DPYS: variants seen among roughly 807,000 people sequenced by gnomAD.
DPYS encodes the protein dihydropyrimidine amidohydrolase.
Under a neutral mutation model 50.3 loss-of-function variants are expected in DPYS, and 39 were observed. The observed-to-expected ratio is 0.78, with a 90% CI of 0.60 to 1.01. The LOEUF (loss-of-function observed/expected upper bound fraction) is 1.01. Ranked by LOEUF, DPYS falls within the 50% of genes least tolerant of loss-of-function variation. DPYS has a pLI of 0.00. For missense variants in DPYS, 659 were observed against 680.9 expected (o/e 0.97, Z 0.36); for synonymous variants, 245 against 250.7 (o/e 0.98, Z 0.22).
At chr8:104,442,652 C>T (rs1028026208) in intron 4 of DPYS, among the ~76,000 whole-genome samples, 1 of 152,184 alleles carries the variant, frequency 6.6e-6, no homozygotes, top group African/African-American at 2.4e-5. Flanking sequence ...TAAGCCTACA[C>T]TTAAGGCAAG....
intron 8 of DPYS, among the ~76,000 whole-genome samples, chr8:104,388,294 C>T (rs1811275390): frequency 6.6e-6 from 1 of 152,236 alleles, no homozygotes; most frequent in South Asian, 2.1e-4. Flanking sequence ...CCATACATCA[C>T]TCCATGAAGC....
chr8:104,410,603 C>T (rs1812141648), intron 7 of DPYS, among the ~76,000 whole-genome samples: 1 of 152,042 alleles, frequency 6.6e-6, no homozygotes, highest in African/African-American at 2.4e-5. Context: ...TCTTTACAGC[C>T]ATGTACTCTA....
At chr8:104,411,167 C>T (rs1812162251) in intron 7 of DPYS, among the ~76,000 whole-genome samples, 1 of 152,210 alleles carries the variant, frequency 6.6e-6, no homozygotes, top group Non-Finnish European at 1.5e-5. Context: ...TCTCTGATGA[C>T]AGGTATTACA....
intron 1 of DPYS, among the ~76,000 whole-genome samples, chr8:104,455,742 C>A (rs1588460813): frequency 6.6e-6 from 1 of 152,070 alleles, no homozygotes; most frequent in Non-Finnish European, 1.5e-5. Flanking sequence ...TGCTTCGGAA[C>A]ATACCAACAC....
chr8:104,447,402 C>T lies in DPYS; in HGVS notation c.525G>A (p.Leu175=), dbSNP rs751827297. The T allele has an allele frequency of 5.6e-6, 9 of 1,614,092 alleles. No individual in the cohort carries two copies. Among genetic ancestry groups the T allele is most frequent in the Non-Finnish European group, 6.8e-6 (8 of 1,180,010 alleles). Residue 175 remains leucine, a synonymous_variant, in exon 3 of 10, where the codon CTG becomes CTA. Coordinates refer to ENST00000351513, the MANE Select transcript of DPYS (RefSeq NM_001385.3). ...CCTTGCACCGAGAGAAGGCTTCGTA[C>T]AGCTCCAGGTCTGTCACCATGTACA... ...KDLYMVTDLE[L]YEAFSRCKEI... is the part of the protein sequence containing the mutation.
At chr8:104,457,433 T>G (rs1813964314) in intron 1 of DPYS, among the ~76,000 whole-genome samples, 1 of 152,194 alleles carries the variant, frequency 6.6e-6, no homozygotes, top group Non-Finnish European at 1.5e-5. Flanking sequence ...CCACTTAAGT[T>G]TTTTGGACTA....
At chr8:104,395,099 G>A (rs1482292148) in intron 7 of DPYS, among the ~76,000 whole-genome samples, 5 of 151,606 alleles carry the variant, frequency 3.3e-5, no homozygotes, top group East Asian at 1.9e-4. Context: ...CAGTTCAAGC[G>A]ATCCTCCCAC....
At chr8:104,406,287 C>G (rs1811993208) in intron 7 of DPYS, among the ~76,000 whole-genome samples, 1 of 152,210 alleles carries the variant, frequency 6.6e-6, no homozygotes, top group South Asian at 2.1e-4. Flanking sequence ...TTTAACCTCT[C>G]TGAACCTCTG....
chr8:104,449,489 T>G (rs1367290333), intron 2 of DPYS, among the ~76,000 whole-genome samples: 1 of 152,116 alleles, frequency 6.6e-6, no homozygotes, highest in African/African-American at 2.4e-5. Context: ...ATGCAGAATC[T>G]CAGGTCCCAC....
chr8:104,420,161 G>T (rs1418830028), intron 7 of DPYS: 1 of 152,226 alleles, frequency 6.6e-6, no homozygotes, highest in Non-Finnish European at 1.5e-5. Context: ...GTGAGAAGAG[G>T]CAGACAGTGA....
chr8:104,396,162 A>T (rs984780355), intron 7 of DPYS, among the ~76,000 whole-genome samples: 2 of 152,228 alleles, frequency 1.3e-5, no homozygotes, highest in Non-Finnish European at 2.9e-5. Flanking sequence ...TGGCCATTAT[A>T]ATCTGCCAAA....
At chr8:104,456,878 G>C (rs1034491919) in intron 1 of DPYS, among the ~76,000 whole-genome samples, 2 of 152,196 alleles carry the variant, frequency 1.3e-5, no homozygotes, top group Non-Finnish European at 2.9e-5. Flanking sequence ...CAGAAATTGA[G>C]ATAAACTCTA....
intron 1 of DPYS, 123 bp from the exon 2 acceptor site, chr8:104,451,527 A>T (rs747285326): frequency 4.2e-6 from 5 of 1,189,592 alleles, no homozygotes; most frequent in African/African-American, 1.5e-5. Flanking sequence ...AAATTGCAAA[A>T]AGATGCTGCC....
intron 4 of DPYS, among the ~76,000 whole-genome samples, chr8:104,431,872 A>G (rs762596266): frequency 6.6e-6 from 1 of 152,226 alleles, no homozygotes; most frequent in Non-Finnish European, 1.5e-5. Flanking sequence ...CATATGCACT[A>G]TGTTACTAGG....
At chr8:104,429,451 G>A (rs1038409746) in intron 5 of DPYS, 94 bp downstream of exon 5, 21 of 1,537,186 alleles carry the variant, frequency 1.4e-5, no homozygotes, top group South Asian at 3.4e-5. Flanking sequence ...AGAATACTGG[G>A]AGGTTAGTGG....
Position 104,421,164 on chromosome 8 carries a change from T to C in DPYS, c.1235+3083A>G, listed in dbSNP as rs373339821. ...CCGAGGTGTACACAATCAGCAGACA[T>C]AGATAAAGAAGGCTTCATACTAGTA... On this transcript the variant is annotated intron_variant, in intron 7 of 9. Transcript: ENST00000351513. 7.9e-5 allele frequency: 12 copies of C among 152,298 alleles called. 1 individual carries two copies. Among genetic ancestry groups the C allele is most frequent in the African/African-American group, 2.9e-4 (12 of 41,578 alleles). 9.4% of individuals were successfully genotyped at this position (152,298 alleles called of 1,614,324 possible).
chr8:104,427,611 G>T (rs1025385297), intron 6 of DPYS, among the ~76,000 whole-genome samples: 1 of 151,776 alleles, frequency 6.6e-6, no homozygotes, highest in Non-Finnish European at 1.5e-5. Flanking sequence ...TCAAGCATTC[G>T]TGCCAATGAC....
rs184877117 is a variant in DPYS, at chr8:104,380,740, C to A, written c.*14+444G>T. ...AAAGAATTTTTCTGAAGGATTATATCCCCTAAAGCAACATTTTATTCATTT... is the reference window on the plus strand; with the variant it reads ...AAAGAATTTTTCTGAAGGATTATATACCCTAAAGCAACATTTTATTCATTT... On this transcript the variant is annotated intron_variant, in intron 9 of 9. Transcript: ENST00000351513. The A allele has an allele frequency of 1.9e-3, 309 of 165,030 alleles. 1 individual carries two copies. Among genetic ancestry groups the A allele is most frequent in the Non-Finnish European group, 3.4e-3 (251 of 74,468 alleles). 10.2% of individuals were successfully genotyped at this position (165,030 alleles called of 1,614,324 possible). A position where few individuals can be genotyped will look rare whatever the true frequency, so the allele number is the denominator to read the frequency against.
Position 104,426,991 on chromosome 8 carries a change from A to T in DPYS, c.1092+989T>A, listed in dbSNP as rs942869819. ...GAAGGCGGGTGGATCACCTGAGGTCAGGAGTTTGAAACCAGCCTGGCCAAC... is the reference window on the plus strand; with the variant it reads ...GAAGGCGGGTGGATCACCTGAGGTCTGGAGTTTGAAACCAGCCTGGCCAAC... On this transcript the variant is annotated intron_variant, in intron 6 of 9. Coordinates refer to ENST00000351513, the MANE Select transcript of DPYS (RefSeq NM_001385.3). Among the ~76,000 whole-genome samples the T allele has an allele frequency of 9.5e-4, 145 of 152,136 alleles. 1 individual carries two copies. The highest frequency in any genetic ancestry group is 3.1e-3 in the African/African-American group (128 of 41,462).
Sources: gnomAD v4.1 joint callset for allele counts (sites outside exome capture counted in the v4.1 genomes callset) on GRCh38, gnomAD v4.1.1 for gene constraint, MANE v1.5 for transcripts, NCBI Gene and HGNC (gene_info 2026-07-23, HGNC 2026-07-21) for gene names.